FGF14: variants seen among roughly 807,000 people sequenced by gnomAD.
FGF14 encodes fibroblast growth factor 14.
A neutral mutation model predicts 25.5 loss-of-function variants in FGF14; 5 were observed. The observed-to-expected ratio is 0.20, with a 90% confidence interval of 0.10 to 0.41. FGF14 has a LOEUF of 0.41. FGF14 is among the 10% of genes least tolerant of loss of function. The pLI, the probability that FGF14 is intolerant of heterozygous loss-of-function variation, is 1.00. For synonymous variants in FGF14, 138 were observed against 118.3 expected (o/e 1.17, Z -1.08); for missense variants, 222 against 320.1 (o/e 0.69, Z 2.34).
At chr13:101,913,397 C>G (rs115548307) in intron 1 of FGF14, among the ~76,000 whole-genome samples, 1 of 152,050 alleles carries the variant, frequency 6.6e-6, no homozygotes, top group East Asian at 1.9e-4. Context: ...GTATAAACAT[C>G]ACTCTTCTAT....
At chr13:102,365,585 C>G (rs967707651) in intron 1 of FGF14, among the ~76,000 whole-genome samples, 1 of 151,928 alleles carries the variant, frequency 6.6e-6, no homozygotes, top group African/African-American at 2.4e-5. Context: ...TCTTTGATTC[C>G]TTGTTTTGCT....
chr13:101,891,659 C>T (rs1214823746), intron 1 of FGF14, among the ~76,000 whole-genome samples: 2 of 151,970 alleles, frequency 1.3e-5, no homozygotes, highest in Non-Finnish European at 2.9e-5. Context: ...TGTAAATACA[C>T]AAATCTATAT....
chr13:101,836,718 A>T (rs901310769), intron 3 of FGF14, among the ~76,000 whole-genome samples: 2 of 152,106 alleles, frequency 1.3e-5, no homozygotes, highest in African/African-American at 4.8e-5. Context: ...ATATACAATT[A>T]AAACTTTAAT....
intron 1 of FGF14, among the ~76,000 whole-genome samples, chr13:102,369,303 G>T (rs536274419): frequency 9.9e-5 from 15 of 152,282 alleles, no homozygotes; most frequent in Non-Finnish European, 1.8e-4. Flanking sequence ...GCATTCTGCT[G>T]CTCTCCCTCT....
chr13:102,321,609 A>C (rs1262749829), intron 1 of FGF14, among the ~76,000 whole-genome samples: 1 of 152,128 alleles, frequency 6.6e-6, no homozygotes, highest in Non-Finnish European at 1.5e-5. Flanking sequence ...ATTACAAGCA[A>C]AGGTAACTGA....
At chr13:102,345,478 T>C (rs1305364374) in intron 1 of FGF14, among the ~76,000 whole-genome samples, 1 of 152,232 alleles carries the variant, frequency 6.6e-6, no homozygotes, top group Admixed American at 6.5e-5. Flanking sequence ...TCAACCTATC[T>C]TTTTTTCCAT....
chr13:101,939,724 C>T (rs2035320427), intron 1 of FGF14, among the ~76,000 whole-genome samples: 1 of 152,130 alleles, frequency 6.6e-6, no homozygotes, highest in Non-Finnish European at 1.5e-5. Context: ...CTGCATTATC[C>T]GTCTGAACCA....
intron 1 of FGF14, among the ~76,000 whole-genome samples, chr13:102,160,021 C>T (rs2047549117): frequency 6.6e-6 from 1 of 152,146 alleles, no homozygotes; most frequent in African/African-American, 2.4e-5. Flanking sequence ...TTTACAGCTT[C>T]AGTCTCATCT....
chr13:101,932,533 C>CAAAAAAAAAAAAA (rs60522790), intron 1 of FGF14, among the ~76,000 whole-genome samples: 1 of 79,060 alleles, frequency 1.3e-5, no homozygotes, highest in African/African-American at 5.2e-5. Flanking sequence ...GACTCCATGT[C>CAAAAAAAAAAAAA]AAAAAAAAAA....
chr13:102,230,352 A>G lies in FGF14; in HGVS notation c.208+171119T>C, dbSNP rs1214095868. On this transcript the variant is annotated intron_variant, in intron 1 of 4. Coordinates refer to the FGF14 transcript ENST00000376131. ...AAAGAACAGACTAAGACAGATACCA[A>G]AGTTAAGAAGATAACCTTTGTCCTT... 2.6e-5 allele frequency among the ~76,000 whole-genome samples: 4 copies of G among 152,200 alleles called. No individual in the cohort carries two copies. In the East Asian group the frequency reaches 7.7e-4, roughly 29 times the overall value.
At chr13:102,222,549 C>T (rs2050659782) in intron 1 of FGF14, among the ~76,000 whole-genome samples, 1 of 152,278 alleles carries the variant, frequency 6.6e-6, no homozygotes, top group African/African-American at 2.4e-5. Context: ...GAAGGGCATC[C>T]CTAGCTGTTA....
At chr13:101,882,952 C>T (rs183948683) in intron 1 of FGF14, among the ~76,000 whole-genome samples, 16 of 152,104 alleles carry the variant, frequency 1.1e-4, no homozygotes, top group Admixed American at 1.0e-3. Context: ...TAATAATCCT[C>T]TCTACAGAAT....
At chr13:102,182,556 G>C (rs1326618200) in intron 1 of FGF14, among the ~76,000 whole-genome samples, 2 of 151,908 alleles carry the variant, frequency 1.3e-5, no homozygotes, top group Non-Finnish European at 2.9e-5. Flanking sequence ...CTTTAATTTT[G>C]TTGAACTTTG....
chr13:102,393,885 T>C (rs868238637), intron 1 of FGF14: 3 of 152,232 alleles, frequency 2.0e-5, no homozygotes, highest in Admixed American at 6.5e-5. Flanking sequence ...TTATCTCTGA[T>C]GGTCTCTGAA....
chr13:102,346,569 T>C (rs1484649700), intron 1 of FGF14, among the ~76,000 whole-genome samples: 1 of 151,056 alleles, frequency 6.6e-6, no homozygotes, highest in Admixed American at 6.6e-5. Flanking sequence ...TATATATTTA[T>C]ATATATAGAG....
chr13:101,843,039 T>C (rs903174571), intron 3 of FGF14, among the ~76,000 whole-genome samples: 3 of 152,064 alleles, frequency 2.0e-5, no homozygotes, highest in Admixed American at 1.3e-4. Flanking sequence ...ACAACAAATA[T>C]GTATTAAGCA....
At chr13:102,347,805 G>T (rs1199640756) in intron 1 of FGF14, among the ~76,000 whole-genome samples, 1 of 152,056 alleles carries the variant, frequency 6.6e-6, no homozygotes, top group Non-Finnish European at 1.5e-5. Flanking sequence ...AAATTCGAAT[G>T]GAATCATATG....
At chr13:102,170,022 G>A (rs1468963786) in intron 1 of FGF14, among the ~76,000 whole-genome samples, 4 of 152,118 alleles carry the variant, frequency 2.6e-5, no homozygotes, top group African/African-American at 7.2e-5. Flanking sequence ...CTATGAGTTT[G>A]TGGCAGAAAC....
chr13:101,970,754 T>A (rs2037541973), intron 1 of FGF14, among the ~76,000 whole-genome samples: 1 of 152,170 alleles, frequency 6.6e-6, no homozygotes, highest in African/African-American at 2.4e-5. Flanking sequence ...AAACACTACA[T>A]GCAGACAGAC....
Sources: gnomAD v4.1 joint callset for allele counts (sites outside exome capture counted in the v4.1 genomes callset) on GRCh38, gnomAD v4.1.1 for gene constraint, MANE v1.5 for transcripts, NCBI Gene and HGNC (gene_info 2026-07-23, HGNC 2026-07-21) for gene names.